TBCK: variants seen among roughly 807,000 people sequenced by gnomAD.
The protein encoded by TBCK is TBC domain-containing protein kinase-like protein.
In TBCK, 99 loss-of-function variants were observed where a neutral mutation model predicts 113.4. The ratio of observed to expected loss-of-function variants is 0.87; its 90% CI spans 0.74 to 1.03. TBCK has a LOEUF of 1.03. Ranked by LOEUF, TBCK falls within the 50% of genes least tolerant of loss-of-function variation. TBCK has a pLI of 0.00. For synonymous variants in TBCK, 369 were observed against 370.8 expected (o/e 1.00, Z 0.05); for missense variants, 1,045 against 1,061.3 (o/e 0.98, Z 0.21).
intron 24 of TBCK, among the ~76,000 whole-genome samples, chr4:106,114,050 T>C (rs1743196821): frequency 6.6e-6 from 1 of 152,196 alleles, no homozygotes; most frequent in Non-Finnish European, 1.5e-5. Context: ...ATACTCATAT[T>C]TGTCTTCTAT....
chr4:106,170,998 T>C (rs1030491870), intron 23 of TBCK, 97 bp downstream of exon 23: 1 of 902,216 alleles, frequency 1.1e-6, no homozygotes, highest in South Asian at 2.7e-5. Context: ...TAAAAGGACA[T>C]AAATGACACC....
At chr4:106,223,310 T>C (rs1757908000) in intron 19 of TBCK, among the ~76,000 whole-genome samples, 1 of 152,148 alleles carries the variant, frequency 6.6e-6, no homozygotes, top group Non-Finnish European at 1.5e-5. Flanking sequence ...AAGAAGAGTT[T>C]TATACCCCAC....
chr4:106,092,918 G>A (rs938158527), intron 25 of TBCK, among the ~76,000 whole-genome samples: 5 of 152,184 alleles, frequency 3.3e-5, no homozygotes, highest in African/African-American at 7.2e-5. Context: ...AAGAGTGAGC[G>A]AGGGCTGCAA....
intron 23 of TBCK, among the ~76,000 whole-genome samples, chr4:106,120,312 C>T (rs535782700): frequency 4.4e-4 from 67 of 152,248 alleles, no homozygotes; most frequent in African/African-American, 1.5e-3. Context: ...CTCGGAGGGT[C>T]TTACGCCCAC....
At chr4:106,310,074 A>T (rs1768031266) in intron 1 of TBCK, 1 of 152,160 alleles carries the variant, frequency 6.6e-6, no homozygotes, top group Admixed American at 6.5e-5. Flanking sequence ...CATGGACCTC[A>T]CTAAGAAGAC....
intron 24 of TBCK, among the ~76,000 whole-genome samples, chr4:106,098,581 A>G (rs1279488418): frequency 6.6e-6 from 1 of 152,092 alleles, no homozygotes; most frequent in African/African-American, 2.4e-5. Context: ...AAAGATAAAA[A>G]ACATCATTAC....
At chr4:106,297,816 T>C (rs1261441095) in intron 2 of TBCK, 2 of 152,176 alleles carry the variant, frequency 1.3e-5, no homozygotes, top group Admixed American at 6.5e-5. Context: ...ATTAACTATG[T>C]GACCTCAGGG....
At chr4:106,254,467 A>C (rs777843665) in intron 5 of TBCK, among the ~76,000 whole-genome samples, 3 of 152,190 alleles carry the variant, frequency 2.0e-5, no homozygotes, top group Non-Finnish European at 2.9e-5. Context: ...ATGACTTGAA[A>C]TATTTTCTAC....
chr4:106,115,738 G>A (rs188071233), intron 24 of TBCK, among the ~76,000 whole-genome samples: 18 of 152,246 alleles, frequency 1.2e-4, no homozygotes, highest in Non-Finnish European at 1.8e-4. Flanking sequence ...TAAAATCTTC[G>A]TAAATAACAT....
In TBCK at chr4:106,055,454, G is replaced by A. The variant is rs199866060; in HGVS notation, c.2572-8774C>T. ...TAAATTATAAGTTTTAAATAGAAAT[G>A]TCAAGACAAATAAATATTTTTCCTA... On this transcript the variant is annotated intron_variant, in intron 25 of 25. Coordinates refer to ENST00000394708, the MANE Select transcript of TBCK (RefSeq NM_001163435.3). Among the ~76,000 whole-genome samples the A allele has an allele frequency of 2.2e-4, 34 of 151,516 alleles. 1 individual carries two copies. The East Asian group carries it at 5.5e-3, about 24-fold the overall frequency.
chr4:106,218,951 C>G (rs1214830465), intron 19 of TBCK, among the ~76,000 whole-genome samples: 2 of 151,848 alleles, frequency 1.3e-5, no homozygotes, highest in South Asian at 2.1e-4. Context: ...TTCACGATAG[C>G]AAAGACTTGG....
chr4:106,092,139 C>T (rs1215503637), intron 25 of TBCK, among the ~76,000 whole-genome samples: 2 of 152,258 alleles, frequency 1.3e-5, no homozygotes, highest in East Asian at 3.9e-4. Context: ...AAAGATTCTC[C>T]AAGTCCCCAC....
intron 5 of TBCK, among the ~76,000 whole-genome samples, chr4:106,255,633 G>A (rs945885484): frequency 2.0e-5 from 3 of 152,152 alleles, no homozygotes; most frequent in Non-Finnish European, 4.4e-5. Flanking sequence ...GGCTCAGAAA[G>A]TTCCTAGGTC....
At chr4:106,304,333 A>G (rs1302039447) in intron 2 of TBCK, among the ~76,000 whole-genome samples, 1 of 152,180 alleles carries the variant, frequency 6.6e-6, no homozygotes, top group African/African-American at 2.4e-5. Flanking sequence ...AGAACAATAA[A>G]GCAAACCCAT....
intron 22 of TBCK, among the ~76,000 whole-genome samples, chr4:106,184,302 T>C (rs1752758396): frequency 6.6e-6 from 1 of 152,054 alleles, no homozygotes; most frequent in Non-Finnish European, 1.5e-5. Flanking sequence ...AATACTTCCA[T>C]ACACTAAACA....
chr4:106,262,103 G>T lies in TBCK; in HGVS notation c.376C>A (p.Arg126=). Residue 126 remains arginine, a synonymous_variant, in exon 4 of 26, where the codon CGA becomes AGA. Transcript: ENST00000394708. ...TTACATGATTTAACAATTACCTTTC[G>T]GTCCAACAGGATATTATGAGGAGAC... ...ALSPHNILLD[R]KGHIKLAKFG... is the part of the protein sequence containing the mutation. 6.6e-7 allele frequency: 1 copy of T among 1,510,174 alleles called. No individual in the cohort carries two copies. The allele number at this position is 1,510,174 out of a possible 1,614,324, so 93.5% of individuals were successfully genotyped here.
chr4:106,070,822 C>A (rs979501469), intron 25 of TBCK, among the ~76,000 whole-genome samples: 1 of 152,054 alleles, frequency 6.6e-6, no homozygotes, highest in Admixed American at 6.6e-5. Flanking sequence ...AATTTCAGAG[C>A]CTGTTATTGG....
chr4:106,311,605 T>C (rs1025242349), intron 1 of TBCK, among the ~76,000 whole-genome samples: 4 of 151,796 alleles, frequency 2.6e-5, no homozygotes, highest in Non-Finnish European at 5.9e-5. Flanking sequence ...TAAAGTGGGG[T>C]AAGGTTAGGG....
chr4:106,244,498 C>T, intron 11 of TBCK, 128 bp downstream of exon 11: 1 of 808,628 alleles, frequency 1.2e-6, no homozygotes, highest in Non-Finnish European at 1.7e-6. Flanking sequence ...GCTGGGATGC[C>T]TACCAAAAAA....
Sources: allele counts gnomAD v4.1 joint callset (sites outside exome capture counted in the v4.1 genomes callset), GRCh38; gene constraint gnomAD v4.1.1; transcripts MANE v1.5; gene names NCBI Gene and HGNC (gene_info 2026-07-23, HGNC 2026-07-21).